Variants in NRXN1 observed in about 807,000 individuals in gnomAD.
NRXN1 encodes the protein neurexin 1.
A neutral mutation model predicts 150.9 loss-of-function variants in NRXN1; 39 were observed. The ratio of observed to expected loss-of-function variants is 0.26; its 90% CI spans 0.20 to 0.34. The LOEUF (loss-of-function observed/expected upper bound fraction) is 0.34, where lower values mean the gene tolerates loss of function less well. Among genes scored for constraint, NRXN1 ranks in the 10% least tolerant of loss-of-function variants. The probability of loss-of-function intolerance (pLI) is 1.00; values close to 1 mark genes in which losing one functional copy is unlikely to be tolerated. For missense variants in NRXN1, 1,815 were observed against 1,949.9 expected (o/e 0.93, Z 1.30); for synonymous variants, 924 against 757.0 (o/e 1.22, Z -3.62).
intron 17 of NRXN1, among the ~76,000 whole-genome samples, chr2:50,318,686 C>A (rs1000040124): frequency 1.3e-5 from 2 of 151,934 alleles, no homozygotes; most frequent in Non-Finnish European, 2.9e-5. Context: ...ACTATTATTC[C>A]ATTTATATAA....
At chr2:49,989,919 G>C (rs183504421) in intron 21 of NRXN1, among the ~76,000 whole-genome samples, 3 of 152,172 alleles carry the variant, frequency 2.0e-5, no homozygotes, top group African/African-American at 4.8e-5. Flanking sequence ...GTCTTAGTGT[G>C]ACTGTGTTTC....
At chr2:50,428,320 T>A (rs1484295895) in intron 17 of NRXN1, among the ~76,000 whole-genome samples, 2 of 151,950 alleles carry the variant, frequency 1.3e-5, no homozygotes, top group Non-Finnish European at 2.9e-5. Flanking sequence ...GAGGCTGAGG[T>A]GGGAAGATCA....
chr2:50,661,527 T>G (rs1476641332), intron 5 of NRXN1, among the ~76,000 whole-genome samples: 3 of 152,072 alleles, frequency 2.0e-5, no homozygotes, highest in Non-Finnish European at 4.4e-5. Flanking sequence ...TTTCCTTGCT[T>G]GTGCCTTAAG....
At chr2:50,494,584 G>A (rs531190228) in intron 15 of NRXN1, among the ~76,000 whole-genome samples, 1 of 152,298 alleles carries the variant, frequency 6.6e-6, no homozygotes, top group African/African-American at 2.4e-5. Flanking sequence ...TTAGCAAGAA[G>A]CCCACTGTGA....
chr2:50,478,830 A>G (rs570130781), intron 15 of NRXN1, among the ~76,000 whole-genome samples: 6 of 152,174 alleles, frequency 3.9e-5, no homozygotes, highest in Non-Finnish European at 7.3e-5. Flanking sequence ...TTTATTTTAT[A>G]TCTCACACCT....
At chr2:49,988,541 C>T (rs796356489) in intron 21 of NRXN1, among the ~76,000 whole-genome samples, 1 of 149,774 alleles carries the variant, frequency 6.7e-6, no homozygotes, top group East Asian at 2.0e-4. Context: ...GGCCAGAAGA[C>T]TTAGTGACTT....
At chr2:50,348,663 G>C (rs868223317) in intron 17 of NRXN1, among the ~76,000 whole-genome samples, 3 of 152,288 alleles carry the variant, frequency 2.0e-5, no homozygotes, top group Admixed American at 6.5e-5. Flanking sequence ...TGTCCTAGAT[G>C]AAAGACCAGC....
chr2:50,278,775 C>G (rs950785172), intron 17 of NRXN1, among the ~76,000 whole-genome samples: 1 of 152,052 alleles, frequency 6.6e-6, no homozygotes, highest in Non-Finnish European at 1.5e-5. Flanking sequence ...ATATTGTGAA[C>G]AGGCTGAGAT....
At chr2:50,174,359 C>G (rs2060221612) in intron 18 of NRXN1, among the ~76,000 whole-genome samples, 2 of 152,062 alleles carry the variant, frequency 1.3e-5, no homozygotes, top group South Asian at 4.1e-4. Flanking sequence ...GTATTCACCA[C>G]AAGGTTTATT....
intron 8 of NRXN1, among the ~76,000 whole-genome samples, chr2:50,582,800 C>A (rs1306554370): frequency 6.6e-6 from 1 of 152,146 alleles, no homozygotes; most frequent in Non-Finnish European, 1.5e-5. Flanking sequence ...CCCCGCTGAA[C>A]CATATGGTTT....
Position 50,987,830 on chromosome 2 carries a change from C to T in NRXN1, c.772+39672G>A, listed in dbSNP as rs186971547. ...TATTCACACCAGAGACCACTAACCC[C>T]CATTGGTCCCTGTCCAGTTTGTAGC... On this transcript the variant is annotated intron_variant, in intron 2 of 22. Coordinates refer to ENST00000401669, the MANE Select transcript of NRXN1 (RefSeq NM_001330078.2). 1.8e-3 allele frequency among the ~76,000 whole-genome samples: 269 copies of T among 152,002 alleles called. 1 individual carries two copies. The highest frequency in any genetic ancestry group is 6.3e-3 in the African/African-American group (260 of 41,538).
At chr2:50,777,450 C>T (rs1703802282) in intron 5 of NRXN1, among the ~76,000 whole-genome samples, 2 of 152,218 alleles carry the variant, frequency 1.3e-5, no homozygotes, top group South Asian at 4.1e-4. Flanking sequence ...CAGGTTGAAA[C>T]TACAAGCTCC....
chr2:50,122,924 T>C (rs1704065458), intron 18 of NRXN1, among the ~76,000 whole-genome samples: 1 of 152,176 alleles, frequency 6.6e-6, no homozygotes, highest in African/African-American at 2.4e-5. Context: ...CAAGGCTAAT[T>C]TGGTTTCATT....
chr2:50,651,707 C>T (rs1685666133), intron 5 of NRXN1, among the ~76,000 whole-genome samples: 1 of 151,938 alleles, frequency 6.6e-6, no homozygotes, highest in South Asian at 2.1e-4. Flanking sequence ...TGCTCTCTTC[C>T]ATTCTTTTTC....
chr2:50,925,181 GA>G (rs1686676332), intron 3 of NRXN1, among the ~76,000 whole-genome samples: 1 of 151,668 alleles, frequency 6.6e-6, no homozygotes, highest in East Asian at 1.9e-4. Flanking sequence ...TTAACACTTT[GA>G]AGATTTGTTT....
intron 21 of NRXN1, among the ~76,000 whole-genome samples, chr2:50,011,293 CT>C (rs1486352360): frequency 3.3e-5 from 5 of 152,106 alleles, no homozygotes; most frequent in African/African-American, 9.7e-5. Flanking sequence ...TATTTTCATA[CT>C]TTTTTACTTT....
chr2:49,922,969 T>C (rs1650862511), intron 22 of NRXN1, among the ~76,000 whole-genome samples: 4 of 152,172 alleles, frequency 2.6e-5, no homozygotes, highest in Admixed American at 2.6e-4. Context: ...TCTAGATTGA[T>C]TTTTTGGTCA....
At chr2:49,962,309 A>T (rs181555444) in intron 21 of NRXN1, among the ~76,000 whole-genome samples, 2 of 152,292 alleles carry the variant, frequency 1.3e-5, no homozygotes, top group East Asian at 3.9e-4. Context: ...GCTTCAATTG[A>T]CTGTTAAATG....
At chr2:50,301,798 T>C (rs942487833) in intron 17 of NRXN1, among the ~76,000 whole-genome samples, 2 of 152,194 alleles carry the variant, frequency 1.3e-5, no homozygotes, top group Non-Finnish European at 2.9e-5. Flanking sequence ...CTATTTGTTT[T>C]CCATTCTATT....
Sources: allele counts gnomAD v4.1 joint callset (sites outside exome capture counted in the v4.1 genomes callset), GRCh38; gene constraint gnomAD v4.1.1; transcripts MANE v1.5; gene names NCBI Gene and HGNC (gene_info 2026-07-23, HGNC 2026-07-21).